The following PHF2 variants were observed in gnomAD, a reference collection of about 807,000 sequenced individuals.
The protein encoded by PHF2 is lysine-specific demethylase PHF2.
PHF2 carries 27 observed loss-of-function variants against 120.5 expected under a neutral mutation model. That is an observed-to-expected ratio of 0.22 (90% CI 0.17 to 0.31). The LOEUF (loss-of-function observed/expected upper bound fraction) is 0.31. Among genes scored for constraint, PHF2 ranks in the 10% least tolerant of loss-of-function variants. The pLI, the probability that PHF2 is intolerant of heterozygous loss-of-function variation, is 1.00. For synonymous variants in PHF2, 568 were observed against 592.5 expected (o/e 0.96, Z 0.60); for missense variants, 1,024 against 1,434.8 (o/e 0.71, Z 4.63).
intron 17 of PHF2, among the ~76,000 whole-genome samples, chr9:93,668,867 A>G (rs1014517341): frequency 6.6e-6 from 1 of 152,200 alleles, no homozygotes; most frequent in African/African-American, 2.4e-5. Context: ...TCCTCTCCCA[A>G]AGTCTCCCAT....
rs149916058 is a variant in PHF2 at position 93,636,423 on chromosome 9, G to A, written c.197G>A (p.Arg66Gln). 19 of 1,607,066 alleles carry A rather than the reference G, an allele frequency of 1.2e-5. No individual in the cohort carries two copies. The highest frequency in any genetic ancestry group is 6.7e-5 in the African/African-American group (5 of 74,850). Reference sequence around the variant, plus strand: ...GTCTCCTCCACAGTAAAGAAGAAGCGGACCTGGCACAAACACGGCCCGGGG... The same window carrying A: ...GTCTCCTCCACAGTAAAGAAGAAGCAGACCTGGCACAAACACGGCCCGGGG... ...THGKSTLKKK[R>Q]TWHKHGPGQA... Residue 66 changes from arginine to glutamine, a missense_variant, in exon 3 of 22, where the codon CGG becomes CAG. Coordinates refer to ENST00000359246, the MANE Select transcript of PHF2 (RefSeq NM_005392.4).
At chr9:93,578,311 A>G (rs2131592530) in intron 1 of PHF2, among the ~76,000 whole-genome samples, 1 of 152,220 alleles carries the variant, frequency 6.6e-6, no homozygotes, top group South Asian at 2.1e-4. Context: ...AGCAAGGGAG[A>G]CTGAGTGTGA....
intron 1 of PHF2, among the ~76,000 whole-genome samples, chr9:93,613,803 T>C (rs1274417331): frequency 6.6e-6 from 1 of 152,034 alleles, no homozygotes; most frequent in South Asian, 2.1e-4. Flanking sequence ...ACTCCTAGGC[T>C]CAAGTATCAA....
intron 3 of PHF2, among the ~76,000 whole-genome samples, chr9:93,645,221 C>T (rs369824681): frequency 3.3e-5 from 5 of 152,222 alleles, no homozygotes; most frequent in Admixed American, 6.5e-5. Context: ...GGCACCTAGC[C>T]GAGAAGGGGT....
In PHF2 at chr9:93,676,923, G is replaced by T; in HGVS notation, c.3162G>T (p.Arg1054=). The T allele has an allele frequency of 6.3e-7, 1 of 1,575,130 alleles. No individual in the cohort carries two copies. The highest frequency in any genetic ancestry group is 8.6e-7 in the Non-Finnish European group (1 of 1,158,482). Residue 1054 remains arginine (R), a synonymous_variant, in exon 21 of 22, where the codon CGG becomes CGT. Coordinates refer to ENST00000359246, the MANE Select transcript of PHF2 (RefSeq NM_005392.4). ...CTGGGGTCTTTCTCACACAGAGGCG[G>T]CCCTCCGCATCGTCTCCAAACAACA... The part of the protein sequence containing the change: ...MAPGVFLTQR[R]PSASSPNNNT...
At chr9:93,657,078 T>A (rs1826474465) in intron 9 of PHF2, among the ~76,000 whole-genome samples, 1 of 152,110 alleles carries the variant, frequency 6.6e-6, no homozygotes, top group African/African-American at 2.4e-5. Context: ...GCCGCCCTTT[T>A]CTGTCCCAGG....
chr9:93,627,921 C>T (rs1036030063), intron 1 of PHF2, among the ~76,000 whole-genome samples: 6 of 152,194 alleles, frequency 3.9e-5, no homozygotes, highest in African/African-American at 1.4e-4. Context: ...GTATTTTACC[C>T]ACTTGGGGAG....
intron 1 of PHF2, among the ~76,000 whole-genome samples, chr9:93,577,766 C>G (rs1197108481): frequency 6.6e-6 from 1 of 152,208 alleles, no homozygotes; most frequent in African/African-American, 2.4e-5. Context: ...TGGCCCTTGC[C>G]GATGGCCATG....
At chr9:93,609,750 T>A (rs910609941) in intron 1 of PHF2, among the ~76,000 whole-genome samples, 1 of 152,190 alleles carries the variant, frequency 6.6e-6, no homozygotes, top group African/African-American at 2.4e-5. Context: ...TCACCCAGTC[T>A]AGAGTGCAGT....
intron 17 of PHF2, among the ~76,000 whole-genome samples, chr9:93,668,628 G>C (rs867810624): frequency 6.6e-6 from 1 of 152,178 alleles, no homozygotes. Flanking sequence ...GGACAGAGGT[G>C]GGGAGGGTTT....
In PHF2 at chr9:93,677,594, G is replaced by A. The variant is rs1263620106; in HGVS notation, c.3209G>A (p.Arg1070His). Residue 1070 changes from arginine (R) to histidine (H), a missense_variant, in exon 22 of 22, where the codon CGT becomes CAT. Arg to His is a conservative substitution (Grantham distance 29). Coordinates refer to ENST00000359246, the MANE Select transcript of PHF2 (RefSeq NM_005392.4). The surrounding 1 kb of genome is among the most constrained non-coding windows in gnomAD (Gnocchi z 4.4). ...CCCTCCCCGACTCCCCTAGGAAAACGTACGAAAAAGGGCATGGCGACCGCC... is the reference window on the plus strand; with the variant it reads ...CCCTCCCCGACTCCCCTAGGAAAACATACGAAAAAGGGCATGGCGACCGCC... ...PNNNTAAKGK[R>H]TKKGMATAKQ... is the part of the protein sequence containing the mutation. 13 of 1,613,408 alleles carry A rather than the reference G, an allele frequency of 8.1e-6. No homozygotes were observed. The highest frequency in any genetic ancestry group is 1.1e-5 in the South Asian group (1 of 91,060).
chr9:93,593,459 T>C (rs542403630), intron 1 of PHF2, among the ~76,000 whole-genome samples: 1 of 152,352 alleles, frequency 6.6e-6, no homozygotes, highest in Non-Finnish European at 1.5e-5. Flanking sequence ...CCAAAGGAGA[T>C]ATTTGCTCTA....
intron 1 of PHF2, among the ~76,000 whole-genome samples, chr9:93,600,215 TGTG>T (rs149179468): frequency 0.31 from 47,246 of 151,762 alleles, 8,107 homozygotes; most frequent in South Asian, 0.61. Flanking sequence ...TGGTATGTGG[TGTG>T]GTGGTGCATG....
intron 1 of PHF2, among the ~76,000 whole-genome samples, chr9:93,627,759 C>T (rs998310232): frequency 6.6e-6 from 1 of 151,978 alleles, no homozygotes; most frequent in African/African-American, 2.4e-5. Flanking sequence ...GAGATGGTCA[C>T]GTAGGATTTT....
At chr9:93,604,638 G>A (rs927910214) in intron 1 of PHF2, among the ~76,000 whole-genome samples, 5 of 151,666 alleles carry the variant, frequency 3.3e-5, no homozygotes, top group African/African-American at 9.7e-5. Flanking sequence ...CTAATTTTTT[G>A]TATTTTTAGT....
intron 1 of PHF2, among the ~76,000 whole-genome samples, chr9:93,604,073 T>C (rs1438091358): frequency 2.0e-5 from 3 of 152,196 alleles, no homozygotes; most frequent in East Asian, 3.9e-4. Flanking sequence ...TCCCAGCTTC[T>C]AACTCTGGAA....
At chr9:93,633,083 A>G (rs1209883808) in intron 2 of PHF2, among the ~76,000 whole-genome samples, 1 of 152,240 alleles carries the variant, frequency 6.6e-6, no homozygotes, top group East Asian at 1.9e-4. Context: ...ACCTGCCTCC[A>G]CCTGTCCTGC....
chr9:93,646,299 G>T (rs545621254), intron 4 of PHF2, among the ~76,000 whole-genome samples: 3 of 152,372 alleles, frequency 2.0e-5, no homozygotes, highest in Admixed American at 1.3e-4. Context: ...AGCTACTGGG[G>T]TTAGGTGGGC....
chr9:93,632,901 A>C (rs117548987), intron 2 of PHF2, among the ~76,000 whole-genome samples: 2,148 of 152,000 alleles, frequency 0.014, 17 homozygotes, highest in Middle Eastern at 0.034. Flanking sequence ...ACCAGTGTGC[A>C]TGCTCAGATT....
Sources: allele counts gnomAD v4.1 joint callset (sites outside exome capture counted in the v4.1 genomes callset), GRCh38; gene constraint gnomAD v4.1.1; non-coding constraint Gnocchi (gnomAD v3.1); transcripts MANE v1.5; gene names NCBI Gene and HGNC (gene_info 2026-07-23, HGNC 2026-07-21).